Variants in GALP observed in about 807,000 individuals in gnomAD.
GALP encodes galanin like peptide.
In GALP, 12 loss-of-function variants were observed where a neutral mutation model predicts 15.2. That is an observed-to-expected ratio of 0.79 (90% CI 0.51 to 1.28). GALP has a LOEUF of 1.28. GALP is among the 50% of genes most tolerant of loss of function. GALP has a pLI of 0.00. For missense variants in GALP, 161 were observed against 145.6 expected (o/e 1.11, Z -0.55); for synonymous variants, 58 against 55.1 (o/e 1.05, Z -0.23).
At chr19:56,180,783 C>T (rs1374613337) in intron 3 of GALP, 149 bp downstream of exon 3, 2 of 676,396 alleles carry the variant, frequency 3.0e-6, no homozygotes, top group Admixed American at 4.4e-5. Flanking sequence ...TTAGTCTAAG[C>T]AGAGCGATGG....
chr19:56,184,538 C>T (rs1459637913), intron 5 of GALP, among the ~76,000 whole-genome samples: 1 of 134,514 alleles, frequency 7.4e-6, no homozygotes, highest in East Asian at 2.2e-4. Flanking sequence ...GGCTGGAGTG[C>T]AGTGGCGCGA....
chr19:56,183,234 G>A, intron 5 of GALP, 22 bp downstream of exon 5: 1 of 1,561,764 alleles, frequency 6.4e-7, no homozygotes, highest in South Asian at 1.1e-5. Context: ...AAACACAGAA[G>A]AGAGACACCG....
chr19:56,183,018 C>T, intron 4 of GALP, 117 bp from the exon 5 acceptor site: 2 of 709,516 alleles, frequency 2.8e-6, no homozygotes, highest in Non-Finnish European at 5.1e-6. Flanking sequence ...CCCCCTGCTC[C>T]ACCCTCGGGA....
intron 5 of GALP, among the ~76,000 whole-genome samples, chr19:56,184,170 G>A (rs949090686): frequency 1.3e-5 from 2 of 151,954 alleles, no homozygotes; most frequent in African/African-American, 4.8e-5. Flanking sequence ...TAGCCAGGCT[G>A]GTATCCAACT....
intron 2 of GALP, among the ~76,000 whole-genome samples, chr19:56,179,643 T>C (rs994071795): frequency 2.1e-5 from 2 of 94,540 alleles, no homozygotes; most frequent in African/African-American, 5.5e-5. Flanking sequence ...AGCCTCTCTT[T>C]TTTTTTTTTT....
rs575756 is a variant in GALP, at chr19:56,183,136, C to T, written c.219C>T (p.Asp73=). ...TGAATGTTGTATTTTTGTTTCTAGACGGGCTCCCCTACTCCCACCCTCCAC... is the reference window on the plus strand; with the variant it reads ...TGAATGTTGTATTTTTGTTTCTAGATGGGCTCCCCTACTCCCACCCTCCAC... ...LEILDLWKAI[D]GLPYSHPPQP... Residue 73 remains aspartate (D), a splice_region_variant and synonymous_variant, in exon 5 of 6, where the codon GAC becomes GAT. Transcript: ENST00000357330. 606,575 of 1,603,444 alleles carry T rather than the reference C, an allele frequency of 0.38. 117,845 individuals are homozygous for T. The highest frequency in any genetic ancestry group is 0.45 in the South Asian group (40,494 of 90,806).
chr19:56,182,185 C>G lies in GALP; in HGVS notation c.150C>G (p.Pro50=). ...GYLLGPVLHL[P]QMGDQDGKRE... ...CTCCCTACCCAGTCCTCCACCTTCCCCAAATGGGTGACCAAGACGGAAAGA... is the reference window on the plus strand; with the variant it reads ...CTCCCTACCCAGTCCTCCACCTTCCGCAAATGGGTGACCAAGACGGAAAGA... The change falls in exon 4 of 6, where the codon CCC becomes CCG. Residue 50 remains proline, a synonymous_variant. Coordinates refer to ENST00000357330, the MANE Select transcript of GALP (RefSeq NM_033106.4). The G allele has an allele frequency of 6.2e-7, 1 of 1,613,894 alleles. No individual in the cohort carries two copies. The highest frequency in any genetic ancestry group is 8.5e-7 in the Non-Finnish European group (1 of 1,179,778).
intron 3 of GALP, among the ~76,000 whole-genome samples, chr19:56,180,990 T>C (rs1435226276): frequency 2.8e-5 from 4 of 144,012 alleles, no homozygotes; most frequent in Admixed American, 2.2e-4. Flanking sequence ...AATGGTGCGA[T>C]CTCAGCTCAC....
At chr19:56,179,259 G>A (rs912565635) in intron 2 of GALP, among the ~76,000 whole-genome samples, 2 of 151,290 alleles carry the variant, frequency 1.3e-5, no homozygotes, top group African/African-American at 4.9e-5. Flanking sequence ...TTAGTGTGTT[G>A]CAATTTGTTG....
At chr19:56,177,238 A>C in intron 2 of GALP, 43 bp downstream of exon 2, 12 of 1,479,828 alleles carry the variant, frequency 8.1e-6, no homozygotes, top group Non-Finnish European at 1.1e-5. Flanking sequence ...GTGTCCCCAA[A>C]TCCCTGCCCT....
At position 56,185,196 on chromosome 19, in the gene GALP, A is replaced by G; in HGVS notation, c.296-19A>G. 1 of 1,564,832 alleles carries G rather than the reference A, an allele frequency of 6.4e-7. No individual in the cohort carries two copies. ...TAGTGAGAAAAACCATTCAAAGTTT[A>G]CCTCTTTCTTTCCCACAGATCTGGG... On this transcript the variant is annotated intron_variant, in intron 5 of 5. Coordinates refer to ENST00000357330, the MANE Select transcript of GALP (RefSeq NM_033106.4).
intron 2 of GALP, among the ~76,000 whole-genome samples, chr19:56,177,525 A>AAG (rs2032486927): frequency 6.9e-6 from 1 of 144,346 alleles, no homozygotes; most frequent in Admixed American, 7.0e-5. Context: ...AAAAAAAAAA[A>AAG]AAAGAAGAAA....
intron 3 of GALP, among the ~76,000 whole-genome samples, chr19:56,180,984 G>A (rs274172): frequency 0.33 from 47,630 of 143,662 alleles, 8,644 homozygotes; most frequent in South Asian, 0.45. Flanking sequence ...ATGGTGAATG[G>A]TGCGATCTCA....
At chr19:56,180,656 T>C (rs2032548264) in intron 3 of GALP, 22 bp downstream of exon 3, 1 of 1,605,950 alleles carries the variant, frequency 6.2e-7, no homozygotes, top group Non-Finnish European at 8.5e-7. Context: ...TGCGCTCAGC[T>C]CTCCATCCCT....
At position 56,185,590 on chromosome 19, in the gene GALP, AT is replaced by A. The variant is rs1486035740; in HGVS notation, c.*321del. On this transcript the variant is annotated 3_prime_UTR_variant, in exon 6 of 6. Transcript: ENST00000357330. ...GTGTTCTTTTGGAATCATCCCAATT[AT>A]AACACGAGCTATTGCATAATACAAA... is the stretch of plus-strand genomic sequence containing the variant. 1 of 224,990 alleles carries A rather than the reference AT, an allele frequency of 4.4e-6. No homozygotes were observed. Among genetic ancestry groups the A allele is most frequent in the African/African-American group, 2.3e-5 (1 of 43,664 alleles). The allele number at this position is 224,990 out of a possible 1,614,324, so 13.9% of individuals were successfully genotyped here.
At chr19:56,179,936 G>A (rs1305799556) in intron 2 of GALP, among the ~76,000 whole-genome samples, 1 of 152,118 alleles carries the variant, frequency 6.6e-6, no homozygotes, top group African/African-American at 2.4e-5. Flanking sequence ...CAAGTAGCTG[G>A]GATTATGCCC....
intron 3 of GALP, 137 bp downstream of exon 3, chr19:56,180,771 G>A (rs887982716): frequency 1.4e-6 from 1 of 720,516 alleles, no homozygotes; most frequent in East Asian, 2.7e-5. Context: ...CTGTCTGGAG[G>A]GTTAGTCTAA....
intron 2 of GALP, among the ~76,000 whole-genome samples, chr19:56,178,160 T>C (rs1365969122): frequency 1.6e-5 from 2 of 128,044 alleles, no homozygotes; most frequent in South Asian, 2.6e-4. Context: ...GCAGTTTTTT[T>C]CTAACAAAAA....
intron 5 of GALP, among the ~76,000 whole-genome samples, chr19:56,184,478 CTTTTTCTTTTTTT>C (rs2032620644): frequency 2.8e-5 from 3 of 105,956 alleles, no homozygotes; most frequent in African/African-American, 4.4e-5. Context: ...TTTTTCTTTT[CTTTTTCTTTTTTT>C]TTTTTTTTTT....
Sources: gnomAD v4.1 joint callset for allele counts (sites outside exome capture counted in the v4.1 genomes callset) on GRCh38, gnomAD v4.1.1 for gene constraint, MANE v1.5 for transcripts, NCBI Gene and HGNC (gene_info 2026-07-23, HGNC 2026-07-21) for gene names.